GSE1: variants seen among roughly 807,000 people sequenced by gnomAD.
The protein encoded by GSE1 is Gse1 coiled-coil protein, also known as genetic suppressor element 1.
Under a neutral mutation model 112.6 loss-of-function variants are expected in GSE1, and 32 were observed. The ratio of observed to expected loss-of-function variants is 0.28; its 90% CI spans 0.21 to 0.38. GSE1 has a LOEUF of 0.38. Ranked by LOEUF, GSE1 falls within the 10% of genes least tolerant of loss-of-function variation. GSE1 has a pLI of 1.00. For synonymous variants in GSE1, 1,115 were observed against 735.6 expected (o/e 1.52, Z -8.35); for missense variants, 2,348 against 1,699.2 (o/e 1.38, Z -6.71).
At chr16:85,519,746 G>GTCTCCATCACTGTCATCATCATCAC (rs2052115464) in intron 2 of GSE1, among the ~76,000 whole-genome samples, 2 of 76,460 alleles carry the variant, frequency 2.6e-5, no homozygotes, top group Admixed American at 1.4e-4. Context: ...ACCACCATCA[G>GTCTCCATCACTGTCATCATCATCAC]CATCACCATC....
upstream of GSE1, among the ~76,000 whole-genome samples, chr16:85,553,191 T>G (rs1197484551): frequency 2.2e-5 from 2 of 90,188 alleles, no homozygotes; most frequent in African/African-American, 4.8e-5. Flanking sequence ...GATAAATGGG[T>G]GGGAGGGGAA....
At chr16:85,669,911 C>T (rs554165676) in intron 14 of GSE1, among the ~76,000 whole-genome samples, 2 of 152,192 alleles carry the variant, frequency 1.3e-5, no homozygotes, top group African/African-American at 4.8e-5. Flanking sequence ...CCTGCGCTGA[C>T]CCCCTCTTCT....
rs537692172 is a variant in GSE1 at position 85,515,246 on chromosome 16, T to C, written c.2465-118668T>C. Among the ~76,000 whole-genome samples the C allele has an allele frequency of 2.1e-4, 32 of 152,168 alleles. 1 individual carries two copies. The highest frequency in any genetic ancestry group is 4.1e-4 in the Non-Finnish European group (28 of 67,984). On this transcript the variant is annotated intron_variant, in intron 2 of 2. Transcript: ENST00000637419. ...GGCACCCGCCTCACCTCTGCCCCCA[T>C]CCCCGTCCTCAGGGTCCTGCACTCC...
chr16:85,480,036 C>T (rs1158128999), intron 2 of GSE1, among the ~76,000 whole-genome samples: 1 of 152,196 alleles, frequency 6.6e-6, no homozygotes, highest in Non-Finnish European at 1.5e-5. Flanking sequence ...GTTTCTCTGC[C>T]ATTGCCCGTG....
intron 15 of GSE1, among the ~76,000 whole-genome samples, chr16:85,671,477 T>C: frequency 7.0e-6 from 1 of 143,716 alleles, no homozygotes; most frequent in Non-Finnish European, 1.5e-5. Context: ...TTGGACTGCA[T>C]GCAATGGCTT....
At position 85,647,870 on chromosome 16, in the gene GSE1, C is replaced by G. The variant is rs548776349; in HGVS notation, c.227-682C>G. On this transcript the variant is annotated intron_variant, in intron 2 of 15. Transcript: ENST00000253458. ...AAAGTGCTGGGATTACAGGCGGGAG[C>G]CACCGCGCCCGGCCAGTGCTGACCG... is the stretch of plus-strand genomic sequence containing the variant. Among the ~76,000 whole-genome samples, 4 of 152,274 alleles carry G rather than the reference C, an allele frequency of 2.6e-5. No individual in the cohort carries two copies. In the South Asian group the frequency reaches 8.3e-4, roughly 32 times the overall value.
chr16:85,387,004 C>A (rs1189262056), intron 2 of GSE1, among the ~76,000 whole-genome samples: 1 of 152,204 alleles, frequency 6.6e-6, no homozygotes, highest in Admixed American at 6.5e-5. Flanking sequence ...GGTCTTCTAG[C>A]ACCAGCTCCC....
chr16:85,396,307 C>T (rs1009857432), intron 2 of GSE1, among the ~76,000 whole-genome samples: 1 of 152,232 alleles, frequency 6.6e-6, no homozygotes, highest in Non-Finnish European at 1.5e-5. Flanking sequence ...GAGTGGGTGG[C>T]CGTGTTGTTT....
chr16:85,532,424 C>A (rs1184994777), intron 2 of GSE1, among the ~76,000 whole-genome samples: 1 of 152,160 alleles, frequency 6.6e-6, no homozygotes, highest in Non-Finnish European at 1.5e-5. Flanking sequence ...CCACGCCAGG[C>A]TAAACTTATT....
Position 85,654,467 on chromosome 16 carries a change from G to A in GSE1, c.599+17G>A, listed in dbSNP as rs760415025. On this transcript the variant is annotated intron_variant, in intron 4 of 15. Transcript: ENST00000253458. ...GCCACTCAAGTAAGTTGGTCGGCGG[G>A]GACTTCGGTGAGGTGGCCAGGTGGG... 4 of 1,552,900 alleles carry A rather than the reference G, an allele frequency of 2.6e-6. No homozygotes were observed. In the Admixed American group the frequency reaches 7.4e-5, roughly 29 times the overall value.
At chr16:85,599,854 C>T (rs911611676) in intron 1 of GSE1, among the ~76,000 whole-genome samples, 2 of 152,188 alleles carry the variant, frequency 1.3e-5, no homozygotes, top group African/African-American at 2.4e-5. Flanking sequence ...GAGCTATGAT[C>T]GTACCACTGC....
At chr16:85,223,370 A>G (rs1004317289) in intron 1 of GSE1, among the ~76,000 whole-genome samples, 27 of 151,990 alleles carry the variant, frequency 1.8e-4, no homozygotes, top group African/African-American at 6.5e-4. Flanking sequence ...CAAAAATACA[A>G]AAATTAACTG....
intron 1 of GSE1, among the ~76,000 whole-genome samples, chr16:85,200,441 G>C (rs1182683088): frequency 2.2e-5 from 3 of 139,322 alleles, no homozygotes; most frequent in Non-Finnish European, 4.8e-5. Flanking sequence ...GCTTTGCTTA[G>C]AGAGGTCATG....
chr16:85,325,249 A>T (rs544773050), intron 1 of GSE1, among the ~76,000 whole-genome samples: 1 of 152,164 alleles, frequency 6.6e-6, no homozygotes, highest in African/African-American at 2.4e-5. Flanking sequence ...GATTATAGGC[A>T]TGAACCGCCG....
At chr16:85,476,881 G>A (rs527670346) in intron 2 of GSE1, among the ~76,000 whole-genome samples, 23 of 150,176 alleles carry the variant, frequency 1.5e-4, no homozygotes, top group East Asian at 3.9e-4. Context: ...CCAAAGTGTC[G>A]AGGCTACAGG....
At position 85,186,467 on chromosome 16, in the gene GSE1, G is replaced by A. The variant is rs571022813; in HGVS notation, c.2283+14660G>A. Among the ~76,000 whole-genome samples, 3 of 152,250 alleles carry A rather than the reference G, an allele frequency of 2.0e-5. 1 individual carries two copies. The East Asian group carries it at 5.8e-4, about 29-fold the overall frequency. On this transcript the variant is annotated intron_variant, in intron 1 of 2. Transcript: ENST00000637419. ...AAAATACAAAAATTAACTGGGTGTG[G>A]TGGCGCATGCCTGTAGTCCCAGCTA...
chr16:85,250,398 C>T (rs1425686825), intron 1 of GSE1, among the ~76,000 whole-genome samples: 3 of 152,196 alleles, frequency 2.0e-5, no homozygotes, highest in Non-Finnish European at 4.4e-5. Context: ...CTGCGCTTGG[C>T]TGGCCCCGCC....
intron 1 of GSE1, among the ~76,000 whole-genome samples, chr16:85,354,831 C>G (rs540096820): frequency 6.6e-6 from 1 of 152,248 alleles, no homozygotes; most frequent in Non-Finnish European, 1.5e-5. Context: ...TAGCATCACC[C>G]TGCAGCATTT....
At chr16:85,620,327 A>C (rs1404565115) in intron 1 of GSE1, among the ~76,000 whole-genome samples, 3 of 152,184 alleles carry the variant, frequency 2.0e-5, no homozygotes, top group Non-Finnish European at 4.4e-5. Context: ...TGCTTCACCC[A>C]GTCTCGGGAT....
Sources: allele counts gnomAD v4.1 joint callset (sites outside exome capture counted in the v4.1 genomes callset), GRCh38; gene constraint gnomAD v4.1.1; transcripts MANE v1.5; gene names NCBI Gene and HGNC (gene_info 2026-07-23, HGNC 2026-07-21).